Variants in GABRA4 observed in about 807,000 individuals in gnomAD.
GABRA4 encodes the protein gamma-aminobutyric acid type A receptor subunit alpha4.
GABRA4 carries 12 observed loss-of-function variants against 49.7 expected under a neutral mutation model. That is an observed-to-expected ratio of 0.24 (90% CI 0.15 to 0.39). The LOEUF (loss-of-function observed/expected upper bound fraction) is 0.39, where lower values mean the gene tolerates loss of function less well. GABRA4 is among the 10% of genes least tolerant of loss of function. The pLI is 1.00. For synonymous variants in GABRA4, 288 were observed against 240.2 expected, an observed-to-expected ratio of 1.20 and a Z score of -1.84; for missense variants, 506 against 686.0, an observed-to-expected ratio of 0.74 and a Z score of 2.93.
chr4:46,958,480 T>C (rs1722442390), intron 8 of GABRA4, among the ~76,000 whole-genome samples: 1 of 151,936 alleles, frequency 6.6e-6, no homozygotes, highest in Non-Finnish European at 1.5e-5. Context: ...AGTTGTTTAT[T>C]TTTCTAATTA....
At chr4:46,946,588 G>T (rs574458930) in intron 8 of GABRA4, among the ~76,000 whole-genome samples, 34 of 152,160 alleles carry the variant, frequency 2.2e-4, no homozygotes, top group Admixed American at 5.9e-4. Context: ...CTAAATTATT[G>T]ATTCACTTCA....
intron 8 of GABRA4, among the ~76,000 whole-genome samples, chr4:46,942,299 T>C (rs1721830542): frequency 6.6e-6 from 1 of 152,144 alleles, no homozygotes; most frequent in African/African-American, 2.4e-5. Flanking sequence ...AGTCTACAAT[T>C]ATGGTTTCCA....
At chr4:46,958,109 T>C (rs1722431283) in intron 8 of GABRA4, among the ~76,000 whole-genome samples, 1 of 151,994 alleles carries the variant, frequency 6.6e-6, no homozygotes, top group Non-Finnish European at 1.5e-5. Flanking sequence ...TTAAATGCCA[T>C]AGAATTGTGT....
chr4:46,957,571 T>A (rs1280389869), intron 8 of GABRA4, among the ~76,000 whole-genome samples: 2 of 151,970 alleles, frequency 1.3e-5, no homozygotes, highest in African/African-American at 4.8e-5. Context: ...AAAGGACAAG[T>A]TGTCCTGCTA....
chr4:46,955,628 A>C (rs900891091), intron 8 of GABRA4, among the ~76,000 whole-genome samples: 11 of 151,946 alleles, frequency 7.2e-5, no homozygotes, highest in Non-Finnish European at 1.5e-4. Context: ...CCACCCTCAT[A>C]TCTATGAAGG....
chr4:46,979,009 A>C, intron 3 of GABRA4, 22 bp downstream of exon 3: 1 of 1,546,524 alleles, frequency 6.5e-7, no homozygotes, highest in African/African-American at 1.4e-5. Context: ...CAAAAGGTAC[A>C]TTAAACTTCG....
chr4:46,936,311 G>A (rs887061655), intron 8 of GABRA4, among the ~76,000 whole-genome samples: 8 of 152,088 alleles, frequency 5.3e-5, no homozygotes, highest in Admixed American at 2.0e-4. Context: ...GTGCAATGGC[G>A]TAATCTTGGC....
chr4:46,992,955 GA>G lies in GABRA4; in HGVS notation c.87-10del, dbSNP rs3215202. ...CTGGGGATTCGTTTAAACTGCAAGC[GA>G]AAAAAAAAAAACCGGGGGCGGAGGA... On this transcript the variant is annotated splice_polypyrimidine_tract_variant and intron_variant, in intron 1 of 8. Transcript: ENST00000264318. The G allele has an allele frequency of 0.11, 144,521 of 1,267,950 alleles. 2,861 individuals are homozygous for G. Among genetic ancestry groups the G allele is most frequent in the South Asian group, 0.19 (14,373 of 76,044 alleles). The allele number at this position is 1,267,950 out of a possible 1,614,324, so 78.5% of individuals were successfully genotyped here. A position where few individuals can be genotyped will look rare whatever the true frequency, so the allele number is the denominator to read the frequency against.
chr4:46,956,423 G>A (rs1722364752), intron 8 of GABRA4, among the ~76,000 whole-genome samples: 2 of 152,074 alleles, frequency 1.3e-5, no homozygotes, highest in African/African-American at 4.8e-5. Context: ...AATGATTGAA[G>A]TGAAAATCTG....
At chr4:46,968,758 G>A (rs1284185992) in intron 7 of GABRA4, among the ~76,000 whole-genome samples, 1 of 151,352 alleles carries the variant, frequency 6.6e-6, no homozygotes, top group South Asian at 2.1e-4. Context: ...ATCAATACTA[G>A]CCTTCCCCAC....
chr4:46,984,892 A>G (rs1323984856), intron 2 of GABRA4, among the ~76,000 whole-genome samples: 1 of 151,802 alleles, frequency 6.6e-6, no homozygotes, highest in Non-Finnish European at 1.5e-5. Flanking sequence ...TATCTTGTCA[A>G]CTCCCACTTA....
rs551367691 is a variant in GABRA4 at position 46,921,255 on chromosome 4, A to G, written c.*6970T>C. 2 of 151,912 alleles carry G rather than the reference A, an allele frequency of 1.3e-5. No homozygotes were observed. The highest frequency in any genetic ancestry group is 2.9e-5 in the Non-Finnish European group (2 of 67,878). 9.4% of individuals were successfully genotyped at this position (151,912 alleles called of 1,614,324 possible). Reference sequence around the variant, plus strand: ...GAAATTAAAAACGTTTATACTTATAATTAAAGGAATAAGTACTTCACTAAT... The same window carrying G: ...GAAATTAAAAACGTTTATACTTATAGTTAAAGGAATAAGTACTTCACTAAT... On this transcript the variant is annotated 3_prime_UTR_variant, in exon 9 of 9. Coordinates refer to ENST00000264318, the MANE Select transcript of GABRA4 (RefSeq NM_000809.4).
In GABRA4 at chr4:46,937,042, T is replaced by C. The variant is rs368951390; in HGVS notation, c.1135-8287A>G. Among the ~76,000 whole-genome samples the C allele has an allele frequency of 9.2e-5, 14 of 152,354 alleles. No homozygotes were observed. In the East Asian group the frequency reaches 2.3e-3, roughly 25 times the overall value. ...TTGAAAACTGAACTCTCCACATGAC[T>C]ATATTGGAGACAAGACCTTTAAGGA... On this transcript the variant is annotated intron_variant, in intron 8 of 8. Coordinates refer to ENST00000264318, the MANE Select transcript of GABRA4 (RefSeq NM_000809.4).
intron 8 of GABRA4, among the ~76,000 whole-genome samples, chr4:46,951,132 C>T (rs970112896): frequency 2.0e-5 from 3 of 151,910 alleles, no homozygotes; most frequent in Admixed American, 6.6e-5. Flanking sequence ...GAAATTAGGT[C>T]GTTTGTGGTT....
At chr4:46,981,266 C>T (rs1326293720) in intron 2 of GABRA4, among the ~76,000 whole-genome samples, 3 of 151,950 alleles carry the variant, frequency 2.0e-5, no homozygotes, top group Non-Finnish European at 4.4e-5. Context: ...AAGAATTAGG[C>T]CAATGATATT....
intron 8 of GABRA4, among the ~76,000 whole-genome samples, chr4:46,937,727 C>T (rs552919762): frequency 1.3e-5 from 2 of 152,262 alleles, no homozygotes; most frequent in East Asian, 1.9e-4. Flanking sequence ...GTCAAAATTG[C>T]CTAGATAAGA....
chr4:46,975,405 T>A (rs1310206506), intron 5 of GABRA4, among the ~76,000 whole-genome samples: 1 of 152,006 alleles, frequency 6.6e-6, no homozygotes, highest in Non-Finnish European at 1.5e-5. Context: ...GTATACTATG[T>A]TCTTGTCTAT....
chr4:46,979,350 G>A (rs989029499), intron 2 of GABRA4, among the ~76,000 whole-genome samples: 3 of 151,926 alleles, frequency 2.0e-5, no homozygotes, highest in African/African-American at 2.4e-5. Flanking sequence ...TCAAAGATAC[G>A]TCACCCCTGG....
Position 46,927,376 on chromosome 4 carries a change from G to A in GABRA4, c.*849C>T, listed in dbSNP as rs2109933120. ...AAATAAATGTCCTTCACTAAAGAAT[G>A]CAATGTCCTCTGCTAGTTTATGGTT... On this transcript the variant is annotated 3_prime_UTR_variant, in exon 9 of 9. Transcript: ENST00000264318. 1 of 152,550 alleles carries A rather than the reference G, an allele frequency of 6.6e-6. No homozygotes were observed. The highest frequency in any genetic ancestry group is 2.1e-4 in the South Asian group (1 of 4,826). The allele number at this position is 152,550 out of a possible 1,614,324, so 9.4% of individuals were successfully genotyped here. A position where few individuals can be genotyped will look rare whatever the true frequency, so the allele number is the denominator to read the frequency against.
Sources: gnomAD v4.1 joint callset for allele counts (sites outside exome capture counted in the v4.1 genomes callset) on GRCh38, gnomAD v4.1.1 for gene constraint, MANE v1.5 for transcripts, NCBI Gene and HGNC (gene_info 2026-07-23, HGNC 2026-07-21) for gene names.